RYR2: variants seen among roughly 807,000 people sequenced by gnomAD.
RYR2 encodes the protein ryanodine receptor 2.
Under a neutral mutation model 601.1 loss-of-function variants are expected in RYR2, and 227 were observed. The ratio of observed to expected loss-of-function variants is 0.38; its 90% CI spans 0.34 to 0.42. The LOEUF is 0.42. Ranked by LOEUF, RYR2 falls within the 10% of genes least tolerant of loss-of-function variation. RYR2 has a pLI of 1.00. For synonymous variants in RYR2, 2,223 were observed against 2,175.1 expected (o/e 1.02, Z -0.61); for missense variants, 4,646 against 6,156.5 (o/e 0.75, Z 8.21).
intron 19 of RYR2, 49 bp from the exon 20 acceptor site, chr1:237,496,462 G>T (rs768213853): frequency 6.3e-7 from 1 of 1,597,632 alleles, no homozygotes; most frequent in Non-Finnish European, 8.6e-7. Context: ...TGAAAACAAT[G>T]AAAGGTTTTT....
chr1:237,225,208 A>T (rs554452918), intron 1 of RYR2, among the ~76,000 whole-genome samples: 72 of 152,330 alleles, frequency 4.7e-4, no homozygotes, highest in Non-Finnish European at 7.8e-4. Flanking sequence ...GGCAGATATA[A>T]GATTAAAATA....
At chr1:237,564,678 C>T (rs1002549530) in intron 27 of RYR2, among the ~76,000 whole-genome samples, 1 of 152,162 alleles carries the variant, frequency 6.6e-6, no homozygotes, top group Non-Finnish European at 1.5e-5. Flanking sequence ...AATATATTTA[C>T]TTACCAAGTA....
At chr1:237,154,931 C>T (rs1675139289) in intron 1 of RYR2, among the ~76,000 whole-genome samples, 1 of 152,094 alleles carries the variant, frequency 6.6e-6, no homozygotes, top group Non-Finnish European at 1.5e-5. Flanking sequence ...TGCCCCATTA[C>T]AGAAAAGAAA....
chr1:237,057,774 T>C (rs1246381154), intron 1 of RYR2, among the ~76,000 whole-genome samples: 1 of 152,082 alleles, frequency 6.6e-6, no homozygotes, highest in Admixed American at 6.5e-5. Flanking sequence ...CAAGATGGGA[T>C]AGAGATGCCC....
intron 1 of RYR2, among the ~76,000 whole-genome samples, chr1:237,104,446 C>T (rs1429709739): frequency 6.6e-6 from 1 of 152,192 alleles, no homozygotes; most frequent in Non-Finnish European, 1.5e-5. Context: ...CAGCACCTTT[C>T]CCTGTCTCCT....
At chr1:237,374,944 G>C in intron 7 of RYR2, 149 bp downstream of exon 7, 1 of 633,518 alleles carries the variant, frequency 1.6e-6, no homozygotes, top group African/African-American at 1.8e-5. Context: ...TCCTAGAAGG[G>C]GAAAGTGTAT....
chr1:237,377,777 A>G (rs1701162996), intron 8 of RYR2, among the ~76,000 whole-genome samples: 1 of 152,222 alleles, frequency 6.6e-6, no homozygotes, highest in Non-Finnish European at 1.5e-5. Context: ...CACCTGATGA[A>G]AAGGCTATAT....
At chr1:237,559,424 T>G (rs2148185175) in intron 27 of RYR2, among the ~76,000 whole-genome samples, 1 of 152,200 alleles carries the variant, frequency 6.6e-6, no homozygotes, top group African/African-American at 2.4e-5. Flanking sequence ...TTTTGTATTT[T>G]TAGTAGATAT....
At chr1:237,488,204 G>A (rs1022309829) in intron 17 of RYR2, among the ~76,000 whole-genome samples, 9 of 152,020 alleles carry the variant, frequency 5.9e-5, no homozygotes, top group Non-Finnish European at 1.3e-4. Flanking sequence ...TGTATTCCAC[G>A]ATTGGCAATC....
intron 10 of RYR2, among the ~76,000 whole-genome samples, chr1:237,390,551 G>A (rs2149863167): frequency 6.8e-6 from 1 of 146,332 alleles, no homozygotes; most frequent in Admixed American, 6.6e-5. Flanking sequence ...AGTCTGAAGA[G>A]GCAGCATTTA....
chr1:237,368,874 A>C (rs916986383), intron 5 of RYR2, among the ~76,000 whole-genome samples: 1 of 151,708 alleles, frequency 6.6e-6, no homozygotes, highest in Non-Finnish European at 1.5e-5. Context: ...CCCAGGCTGG[A>C]GTGCAATGGT....
chr1:237,722,018 GA>G (rs1349847554), intron 73 of RYR2, among the ~76,000 whole-genome samples: 3 of 152,084 alleles, frequency 2.0e-5, no homozygotes, highest in African/African-American at 7.2e-5. Context: ...CCTTTATGAT[GA>G]GTGTGATTTT....
intron 17 of RYR2, among the ~76,000 whole-genome samples, chr1:237,481,213 A>G (rs1462914992): frequency 6.6e-6 from 1 of 151,416 alleles, no homozygotes; most frequent in Non-Finnish European, 1.5e-5. Flanking sequence ...TATTTATTTC[A>G]TGAGTTAACC....
At chr1:237,242,456 C>T (rs1015718812) in intron 1 of RYR2, among the ~76,000 whole-genome samples, 1 of 151,902 alleles carries the variant, frequency 6.6e-6, no homozygotes, top group Non-Finnish European at 1.5e-5. Context: ...AATGCAAGGA[C>T]AGTAGAAAGC....
At chr1:237,680,206 C>T (rs942223199) in intron 61 of RYR2, among the ~76,000 whole-genome samples, 4 of 152,142 alleles carry the variant, frequency 2.6e-5, no homozygotes, top group Non-Finnish European at 5.9e-5. Context: ...GAGAATATTT[C>T]ATTTTGAGAA....
chr1:237,369,114 C>G (rs192394495), intron 5 of RYR2, among the ~76,000 whole-genome samples: 2 of 152,066 alleles, frequency 1.3e-5, no homozygotes, highest in African/African-American at 2.4e-5. Flanking sequence ...TGAGCCACCA[C>G]GCCTGGCCTG....
At position 237,709,381 on chromosome 1, in the gene RYR2, T is replaced by C. The variant is rs192223991; in HGVS notation, c.10143-99T>C. 4,243 of 800,574 alleles carry C rather than the reference T, an allele frequency of 5.3e-3. 17 individuals are homozygous for C. Among genetic ancestry groups the C allele is most frequent in the Non-Finnish European group, 7.6e-3 (3,609 of 475,646 alleles). The allele number at this position is 800,574 out of a possible 1,614,324, so 49.6% of individuals were successfully genotyped here. A position where few individuals can be genotyped will look rare whatever the true frequency, so the allele number is the denominator to read the frequency against. ...ACACTGTGCTGAAACCATCATGAGC[T>C]CTGTGGTCAGTACATTTAACTTTGG... On this transcript the variant is annotated intron_variant, in intron 69 of 104. Transcript: ENST00000366574.
At chr1:237,652,968 T>G (rs1424799656) in intron 51 of RYR2, among the ~76,000 whole-genome samples, 1 of 152,206 alleles carries the variant, frequency 6.6e-6, no homozygotes, top group East Asian at 1.9e-4. Context: ...ACAGTAATTC[T>G]TATAATTTAT....
At chr1:237,818,630 C>G (rs1662099595) in intron 100 of RYR2, among the ~76,000 whole-genome samples, 1 of 151,938 alleles carries the variant, frequency 6.6e-6, no homozygotes, top group Non-Finnish European at 1.5e-5. Context: ...AAGATTCCAT[C>G]TTATTACCTG....
Sources: gnomAD v4.1 joint callset for allele counts (sites outside exome capture counted in the v4.1 genomes callset) on GRCh38, gnomAD v4.1.1 for gene constraint, MANE v1.5 for transcripts, NCBI Gene and HGNC (gene_info 2026-07-23, HGNC 2026-07-21) for gene names.